Variants in RAI1 observed in about 807,000 individuals in gnomAD.
RAI1 encodes retinoic acid induced 1.
RAI1 carries 9 observed loss-of-function variants against 123.8 expected under a neutral mutation model. The observed-to-expected ratio is 0.07, with a 90% CI of 0.04 to 0.13. RAI1 has a LOEUF of 0.13. Ranked by LOEUF, RAI1 falls within the 10% of genes least tolerant of loss-of-function variation. The pLI is 1.00. For synonymous variants in RAI1, 1,231 were observed against 1,127.3 expected (o/e 1.09, Z -1.84); for missense variants, 2,256 against 2,545.8 (o/e 0.89, Z 2.45).
chr17:17,749,263 G>A (rs1188787859), intron 2 of RAI1, among the ~76,000 whole-genome samples: 2 of 152,198 alleles, frequency 1.3e-5, no homozygotes, highest in African/African-American at 2.4e-5. Context: ...GGCTGGAGAC[G>A]ACTCTTGATA....
intron 2 of RAI1, among the ~76,000 whole-genome samples, chr17:17,763,610 G>A (rs749454697): frequency 2.0e-5 from 3 of 152,318 alleles, no homozygotes; most frequent in South Asian, 2.1e-4. Flanking sequence ...GCACAGGTAC[G>A]GGGGCCCAGG....
At position 17,810,725 on chromosome 17, in the gene RAI1, C is replaced by T. The variant is rs542283173; in HGVS notation, c.*744C>T. The stretch of plus-strand genomic sequence containing the variant: ...GACACCCTTTGGCCTCTGTTTGTCC[C>T]CTTTCCAGTCCTCCACCCCACCCCT... On this transcript the variant is annotated 3_prime_UTR_variant, in exon 6 of 6. Coordinates refer to ENST00000353383, the MANE Select transcript of RAI1 (RefSeq NM_030665.4). The surrounding 1 kb of genome is among the most constrained non-coding windows in gnomAD (Gnocchi z 4.6). 2.0e-4 allele frequency: 86 copies of T among 434,462 alleles called. No individual in the cohort carries two copies. The highest frequency in any genetic ancestry group is 1.4e-3 in the South Asian group (86 of 62,692). The allele number at this position is 434,462 out of a possible 1,614,324, so 26.9% of individuals were successfully genotyped here.
rs2032470426 is a variant in RAI1 at position 17,801,798 on chromosome 17, C to A, written c.5566-1958C>A. Among the ~76,000 whole-genome samples, 3 of 152,194 alleles carry A rather than the reference C, an allele frequency of 2.0e-5. No individual in the cohort carries two copies. The highest frequency in any genetic ancestry group is 4.4e-5 in the Non-Finnish European group (3 of 68,036). On this transcript the variant is annotated intron_variant, in intron 3 of 5. Transcript: ENST00000353383. The surrounding 1 kb of genome is among the most constrained non-coding windows in gnomAD (Gnocchi z 4.1). The stretch of plus-strand genomic sequence containing the variant: ...GGGGTCCTGTGGGCCCCTACTCCAG[C>A]CTGGAGGCAGCTGCAGGGGTCAGAG...
intron 4 of RAI1, among the ~76,000 whole-genome samples, chr17:17,807,682 G>T (rs149826120): frequency 3.6e-3 from 552 of 152,358 alleles, no homozygotes; most frequent in African/African-American, 0.013. Context: ...AGTGCTGAGG[G>T]AGCCAGTTTG....
At chr17:17,757,166 G>A (rs2030471296) in intron 2 of RAI1, among the ~76,000 whole-genome samples, 3 of 152,186 alleles carry the variant, frequency 2.0e-5, no homozygotes, top group Admixed American at 2.0e-4. Context: ...CCTGAGCCCA[G>A]ACACACCCCA....
intron 2 of RAI1, among the ~76,000 whole-genome samples, chr17:17,751,187 G>A (rs1355208004): frequency 1.3e-5 from 2 of 152,230 alleles, no homozygotes; most frequent in Non-Finnish European, 2.9e-5. Context: ...GTATGGAAGA[G>A]TAGCTCCAGG....
At chr17:17,780,082 T>TTTTTTTTTTTTA (rs71152902) in intron 2 of RAI1, among the ~76,000 whole-genome samples, 81,562 of 108,860 alleles carry the variant, frequency 0.75, 31,891 homozygotes, top group East Asian at 0.91. Context: ...GGCTTTTTTT[T>TTTTTTTTTTTTA]AAGACAAGAG....
At position 17,793,555 on chromosome 17, in the gene RAI1, T is replaced by A; in HGVS notation, c.607T>A (p.Phe203Ile). 6.2e-7 allele frequency: 1 copy of A among 1,613,904 alleles called. No homozygotes were observed. Among genetic ancestry groups the A allele is most frequent in the Non-Finnish European group, 8.5e-7 (1 of 1,179,996 alleles). The change falls in exon 3 of 6, where the codon TTC (phenylalanine) becomes ATC (isoleucine). Residue 203 changes from phenylalanine to isoleucine, a missense_variant. Around this residue, in one of 7 missense-constraint regions of RAI1, gnomAD observed 336 missense variants for 349.8 expected, o/e 0.96. Transcript: ENST00000353383. ...GAACGACATTGCCTCCCCTCTGCCC[T>A]TCCCCCAGGGTACCCACTTTCCTCA... ...LQNDIASPLP[F>I]PQGTHFPQHS... is the part of the protein sequence containing the mutation.
intron 2 of RAI1, among the ~76,000 whole-genome samples, chr17:17,753,522 A>G (rs2030303407): frequency 6.6e-6 from 1 of 152,202 alleles, no homozygotes; most frequent in African/African-American, 2.4e-5. Flanking sequence ...TTCCTCACCA[A>G]CACCAAAAGA....
chr17:17,689,908 CGGTT>C (rs958786092), intron 1 of RAI1, among the ~76,000 whole-genome samples: 2 of 152,140 alleles, frequency 1.3e-5, no homozygotes, highest in African/African-American at 4.8e-5. Flanking sequence ...TTCTCAGTGA[CGGTT>C]GGCATCCAGA....
intron 2 of RAI1, among the ~76,000 whole-genome samples, chr17:17,746,539 G>A (rs1236051342): frequency 6.6e-6 from 1 of 152,098 alleles, no homozygotes; most frequent in African/African-American, 2.4e-5. Context: ...AAGAAGCCTC[G>A]GTCACTGCCT....
chr17:17,752,451 G>A (rs927830265), intron 2 of RAI1, among the ~76,000 whole-genome samples: 2 of 152,120 alleles, frequency 1.3e-5, no homozygotes, highest in African/African-American at 4.8e-5. Context: ...GCGGCCGCGC[G>A]CGGCTGGAAA....
intron 1 of RAI1, among the ~76,000 whole-genome samples, chr17:17,711,493 G>A (rs1419210534): frequency 6.6e-6 from 1 of 152,196 alleles, no homozygotes; most frequent in East Asian, 1.9e-4. Context: ...ACGGCATGCT[G>A]GACACTGCCA....
At chr17:17,689,165 C>T (rs1914753912) in intron 1 of RAI1, among the ~76,000 whole-genome samples, 1 of 151,512 alleles carries the variant, frequency 6.6e-6, no homozygotes, top group East Asian at 1.9e-4. Context: ...ACCATGTTGG[C>T]CAGGCGGGTC....
chr17:17,758,018 A>G (rs2030517141), intron 2 of RAI1, among the ~76,000 whole-genome samples: 2 of 152,130 alleles, frequency 1.3e-5, no homozygotes, highest in South Asian at 4.1e-4. Flanking sequence ...CCTCGCCCCC[A>G]CCCTCATCTC....
At chr17:17,757,595 C>T (rs1337506670) in intron 2 of RAI1, among the ~76,000 whole-genome samples, 1 of 151,964 alleles carries the variant, frequency 6.6e-6, no homozygotes, top group Non-Finnish European at 1.5e-5. Flanking sequence ...TGGCTGCCGC[C>T]TCTTCTCGGA....
rs559844649 is a variant in RAI1 at position 17,783,781 on chromosome 17, G to C, written c.-16-9152G>C. ...GATGGGGTGCTGAGGTGTAGGCGGG[G>C]GGCGGGGGCGGAAAGGGTTAATGGC... On this transcript the variant is annotated intron_variant, in intron 2 of 5. Transcript: ENST00000353383. Among the ~76,000 whole-genome samples, 741 of 151,426 alleles carry C rather than the reference G, an allele frequency of 4.9e-3. 7 individuals are homozygous for C. The highest frequency in any genetic ancestry group is 6.2e-3 in the Non-Finnish European group (417 of 67,732).
chr17:17,761,946 C>T (rs1349223504), intron 2 of RAI1, among the ~76,000 whole-genome samples: 2 of 152,064 alleles, frequency 1.3e-5, no homozygotes, highest in African/African-American at 4.8e-5. Context: ...AGGGAGGTCT[C>T]AGGGCATCCA....
At chr17:17,690,323 G>A (rs990337314) in intron 1 of RAI1, among the ~76,000 whole-genome samples, 8 of 151,914 alleles carry the variant, frequency 5.3e-5, no homozygotes, top group Non-Finnish European at 1.0e-4. Context: ...GGAGGCAGAG[G>A]TGGCAGTGAG....
Sources: gnomAD v4.1 joint callset for allele counts (sites outside exome capture counted in the v4.1 genomes callset) on GRCh38, gnomAD v4.1.1 for gene constraint, gnomAD v4.1.1 regional missense constraint, Gnocchi (gnomAD v3.1) non-coding constraint, MANE v1.5 for transcripts, NCBI Gene and HGNC (gene_info 2026-07-23, HGNC 2026-07-21) for gene names.